Variants in OBP2A observed in about 807,000 individuals in gnomAD.
The protein encoded by OBP2A is odorant binding protein 2A, also known as odorant-binding protein 2a.
Under a neutral mutation model 21.9 loss-of-function variants are expected in OBP2A, and 15 were observed. The ratio of observed to expected loss-of-function variants is 0.69; its 90% CI spans 0.46 to 1.06. The LOEUF (loss-of-function observed/expected upper bound fraction) is 1.06. Ranked by LOEUF, OBP2A falls within the 50% of genes least tolerant of loss-of-function variation. OBP2A has a pLI of 0.00. For synonymous variants in OBP2A, 86 were observed against 91.8 expected (o/e 0.94, Z 0.36); for missense variants, 192 against 220.1 (o/e 0.87, Z 0.81).
chr9:135,549,708 T>C (rs925004114), intron 6 of OBP2A, 129 bp from the exon 7 acceptor site: 37 of 626,770 alleles, frequency 5.9e-5, no homozygotes, highest in Non-Finnish European at 8.8e-5. Context: ...GAGCTGAGGC[T>C]GCTCTGGAGC....
chr9:135,546,905 C>G lies in OBP2A; in HGVS notation c.200C>G (p.Thr67Ser). Reference sequence around the variant, plus strand: ...GGTGGGAACTTGGAAGCCACGTTCACCTTCATGTGAGTGTTGCCCACTGCA... The same window carrying G: ...GGTGGGAACTTGGAAGCCACGTTCAGCTTCATGTGAGTGTTGCCCACTGCA... ...LGGGNLEATF[T>S]FMREDRCIQK... Residue 67 changes from threonine to serine, a missense_variant, in exon 2 of 7, where the codon ACC becomes AGC. Thr to Ser is a moderately conservative substitution (Grantham distance 58, BLOSUM62 1). Transcript: ENST00000371776. 6.2e-7 allele frequency: 1 copy of G among 1,613,714 alleles called. No homozygotes were observed. Among genetic ancestry groups the G allele is most frequent in the Non-Finnish European group, 8.5e-7 (1 of 1,179,720 alleles).
chr9:135,549,793 C>T (rs1309758160), intron 6 of OBP2A, 44 bp from the exon 7 acceptor site: 1 of 1,415,420 alleles, frequency 7.1e-7, no homozygotes, highest in African/African-American at 1.4e-5. Context: ...GGCCTCTGCC[C>T]TACCCTGCAG....
At position 135,549,761 on chromosome 9, in the gene OBP2A, C is replaced by T. The variant is rs114703473; in HGVS notation, c.*2-76C>T. Reference sequence around the variant, plus strand: ...GTGGCCGATGTGGAAGCTGCAGAGCCTGGGGAGGGAGCTCTGGGCCTGGCC... The same window carrying T: ...GTGGCCGATGTGGAAGCTGCAGAGCTTGGGGAGGGAGCTCTGGGCCTGGCC... On this transcript the variant is annotated intron_variant, in intron 6 of 6. Transcript: ENST00000371776. 5.8e-4 allele frequency: 567 copies of T among 978,318 alleles called. 2 individuals are homozygous for T. The African/African-American group carries it at 8.7e-3, about 15-fold the overall frequency. 60.6% of individuals were successfully genotyped at this position (978,318 alleles called of 1,614,324 possible).
chr9:135,546,387 G>A (rs1372967974), intron 1 of OBP2A, 135 bp downstream of exon 1: 10 of 692,572 alleles, frequency 1.4e-5, no homozygotes, highest in Non-Finnish European at 1.7e-5. Context: ...GGGTGGTGGT[G>A]GAGGGGTCCT....
At chr9:135,546,531 G>A (rs1831936034) in intron 1 of OBP2A, among the ~76,000 whole-genome samples, 4 of 151,758 alleles carry the variant, frequency 2.6e-5, no homozygotes, top group South Asian at 2.1e-4. Context: ...GGCTCACCTG[G>A]TGCTGGGGCC....
chr9:135,546,364 TGCTCC>T (rs1348255004), intron 1 of OBP2A, 112 bp downstream of exon 1: 13 of 185,656 alleles, frequency 7.0e-5, no homozygotes, highest in Non-Finnish European at 1.0e-4. Flanking sequence ...TCTGACCCCG[TGCTCC>T]CAGCCTGGGG....
At chr9:135,548,643 C>G in intron 4 of OBP2A, 65 bp from the exon 5 acceptor site, 1 of 1,606,754 alleles carries the variant, frequency 6.2e-7, no homozygotes, top group Non-Finnish European at 8.5e-7. Flanking sequence ...CTCCTTTTAG[C>G]ATCTGCTCCC....
Position 135,547,975 on chromosome 9 carries a change from C to T in OBP2A, c.382C>T (p.Leu128Phe). ...RRGGLRYMGK[L>F]VGRNPNTNLE... is the part of the protein sequence containing the mutation. ...TGGGGGCCTGCGCTACATGGGAAAG[C>T]TTGTGGGTGAGGGGCCCGCTGGGGC... Residue 128 changes from leucine (L) to phenylalanine (F), a missense_variant, in exon 4 of 7, where the codon CTT becomes TTT. Transcript: ENST00000371776. 6.2e-7 allele frequency: 1 copy of T among 1,605,688 alleles called. No individual in the cohort carries two copies. Among genetic ancestry groups the T allele is most frequent in the Non-Finnish European group, 8.5e-7 (1 of 1,175,854 alleles).
At chr9:135,548,659 G>A (rs1338069064) in intron 4 of OBP2A, 49 bp from the exon 5 acceptor site, 2 of 1,612,062 alleles carry the variant, frequency 1.2e-6, no homozygotes, top group Non-Finnish European at 8.5e-7. Flanking sequence ...CTCCCTGCAG[G>A]GCCGTGCCGC....
At chr9:135,549,116 C>T (rs1173090866) in intron 5 of OBP2A, among the ~76,000 whole-genome samples, 192 bp from the exon 6 acceptor site, 3 of 4,934 alleles carry the variant, frequency 6.1e-4, no homozygotes, top group African/African-American at 3.6e-3. Flanking sequence ...CTCTGGGCTG[C>T]GATGGGGTCT....
intron 4 of OBP2A, 27 bp downstream of exon 4, chr9:135,548,008 T>C (rs1564239712): frequency 6.7e-7 from 1 of 1,494,432 alleles, no homozygotes; most frequent in Non-Finnish European, 9.2e-7. Flanking sequence ...GGCCTGCATG[T>C]CCTGCCCCAT....
intron 2 of OBP2A, 49 bp from the exon 3 acceptor site, chr9:135,547,129 G>A (rs1217767383): frequency 6.5e-7 from 1 of 1,527,686 alleles, no homozygotes; most frequent in Admixed American, 1.7e-5. Flanking sequence ...GCTGAGGATG[G>A]GCCAGGTGTG....
intron 3 of OBP2A, among the ~76,000 whole-genome samples, 192 bp downstream of exon 3, chr9:135,547,440 C>T (rs962748650): frequency 6.6e-5 from 10 of 152,170 alleles, no homozygotes; most frequent in African/African-American, 2.4e-4. Context: ...GGCTTGTCCA[C>T]AGTAGAGATG....
chr9:135,547,270 C>G lies in OBP2A; in HGVS notation c.277+22C>G, dbSNP rs750237306. ...GCCTGTGAGCCCCTCCCCGACCCCC[C>G]ACTCCCCATGCCCAACCCCGGATGC... On this transcript the variant is annotated intron_variant, in intron 3 of 6. Transcript: ENST00000371776. The G allele has an allele frequency of 8.1e-6, 13 of 1,612,694 alleles. No homozygotes were observed. In the Admixed American group the frequency reaches 1.8e-4, roughly 23 times the overall value.
intron 3 of OBP2A, among the ~76,000 whole-genome samples, 160 bp from the exon 4 acceptor site, chr9:135,547,711 C>T (rs530562062): frequency 2.0e-5 from 3 of 152,234 alleles, no homozygotes; most frequent in South Asian, 2.1e-4. Context: ...CTCCTGCCTC[C>T]GTGTCCGGGT....
rs534193275 is a variant in OBP2A at position 135,549,477 on chromosome 9, G to A, written c.*1+146G>A. The A allele has an allele frequency of 2.3e-4, 191 of 831,084 alleles. 7 individuals are homozygous for A. In the African/African-American group the frequency reaches 3.5e-3, roughly 15 times the overall value. 51.5% of individuals were successfully genotyped at this position (831,084 alleles called of 1,614,324 possible). ...GCACGAGGTTGGCACCTCAGAGTCTGCCCACCCAAAATTCCTGGGACATTC... is the reference window on the plus strand; with the variant it reads ...GCACGAGGTTGGCACCTCAGAGTCTACCCACCCAAAATTCCTGGGACATTC... On this transcript the variant is annotated intron_variant, in intron 6 of 6. Transcript: ENST00000371776.
intron 4 of OBP2A, among the ~76,000 whole-genome samples, chr9:135,548,208 C>T (rs1832003491): frequency 6.6e-6 from 1 of 152,176 alleles, no homozygotes; most frequent in Non-Finnish European, 1.5e-5. Context: ...CATGAACCTG[C>T]CAAGGGCCGC....
Position 135,546,848 on chromosome 9 carries a change from A to C in OBP2A, c.143A>C (p.Lys48Thr), listed in dbSNP as rs1197408844. 5.6e-6 allele frequency: 9 copies of C among 1,613,590 alleles called. No individual in the cohort carries two copies. The highest frequency in any genetic ancestry group is 1.3e-5 in the African/African-American group (1 of 74,908). The change falls in exon 2 of 7, where the codon AAG (lysine) becomes ACG (threonine). Residue 48 changes from lysine (K) to threonine (T), a missense_variant. Transcript: ENST00000371776. Reference protein sequence around the residue: ...KDFPEDRRPRKVSPVKVTALG... With the variant: ...KDFPEDRRPRTVSPVKVTALG... ...TTTCCGGAGGACAGGAGGCCCAGGA[A>C]GGTGTCCCCAGTGAAGGTGACAGCC... is the stretch of plus-strand genomic sequence containing the variant.
intron 1 of OBP2A, 41 bp downstream of exon 1, chr9:135,546,293 A>G: frequency 6.8e-7 from 1 of 1,469,484 alleles, no homozygotes; most frequent in South Asian, 1.2e-5. Flanking sequence ...AGCCAGGTGG[A>G]CTCCTGGGCA....
Sources: gnomAD v4.1 joint callset for allele counts (sites outside exome capture counted in the v4.1 genomes callset) on GRCh38, gnomAD v4.1.1 for gene constraint, MANE v1.5 for transcripts, NCBI Gene and HGNC (gene_info 2026-07-23, HGNC 2026-07-21) for gene names.